The following CASR variants were observed in gnomAD, a reference collection of about 807,000 sequenced individuals.
The protein encoded by CASR is extracellular calcium-sensing receptor.
CASR carries 23 observed loss-of-function variants against 69.1 expected under a neutral mutation model. That is an observed-to-expected ratio of 0.33 (90% CI 0.24 to 0.47). The LOEUF (loss-of-function observed/expected upper bound fraction) is 0.47. Among genes scored for constraint, CASR ranks in the 20% least tolerant of loss-of-function variants. CASR has a pLI of 1.00. For missense variants in CASR, 924 were observed against 1,356.1 expected (o/e 0.68, Z 5.00); for synonymous variants, 541 against 544.7 (o/e 0.99, Z 0.10).
intron 1 of CASR, among the ~76,000 whole-genome samples, chr3:122,185,526 T>C (rs1363807992): frequency 6.6e-6 from 1 of 152,236 alleles, no homozygotes; most frequent in Non-Finnish European, 1.5e-5. Context: ...ACACTTATCT[T>C]TCCCCTTAAA....
Position 122,282,209 on chromosome 3 carries a change from C to T in CASR, c.1705C>T (p.Pro569Ser), listed in dbSNP as rs1271168512. 6.2e-7 allele frequency: 1 copy of T among 1,614,106 alleles called. No homozygotes were observed. The highest frequency in any genetic ancestry group is 8.5e-7 in the Non-Finnish European group (1 of 1,180,000). The change falls in exon 6 of 7, where the codon CCT becomes TCT. Residue 569 changes from proline (P) to serine (S), a missense_variant. By Grantham distance (74) the Pro-to-Ser change is moderately conservative. Coordinates refer to ENST00000639785, the MANE Select transcript of CASR (RefSeq NM_000388.4). ...PTCCFECVEC[P>S]DGEYSDETDA... ...CTGCTGCTTTGAGTGTGTGGAGTGT[C>T]CTGATGGGGAGTATAGTGATGAGAC...
chr3:122,224,500 T>C (rs1340569650), intron 1 of CASR, among the ~76,000 whole-genome samples: 2 of 152,064 alleles, frequency 1.3e-5, no homozygotes, highest in Non-Finnish European at 2.9e-5. Flanking sequence ...GTAAAAGTTC[T>C]CAACAACAAA....
chr3:122,252,464 A>AAAAG (rs1318944750), intron 1 of CASR, among the ~76,000 whole-genome samples: 1 of 126,364 alleles, frequency 7.9e-6, no homozygotes, highest in Non-Finnish European at 1.7e-5. Context: ...GAAAAGAAAG[A>AAAAG]AAAGAAAAGA....
intron 1 of CASR, among the ~76,000 whole-genome samples, chr3:122,194,214 T>G (rs2073865835): frequency 6.6e-6 from 1 of 152,154 alleles, no homozygotes; most frequent in Non-Finnish European, 1.5e-5. Context: ...TAACATGAAG[T>G]GTCCCCAAAT....
intron 1 of CASR, among the ~76,000 whole-genome samples, chr3:122,205,887 A>G (rs1228876315): frequency 2.6e-5 from 4 of 152,042 alleles, no homozygotes; most frequent in Non-Finnish European, 5.9e-5. Flanking sequence ...GGTGGTGTAT[A>G]TAAATGTTAC....
chr3:122,282,407 G>T (rs745306131), intron 6 of CASR, among the ~76,000 whole-genome samples, 171 bp downstream of exon 6: 2 of 152,202 alleles, frequency 1.3e-5, no homozygotes, highest in Non-Finnish European at 2.9e-5. Context: ...AACAGAAAAA[G>T]AATGTTAGAT....
At chr3:122,260,910 G>A (rs949172425) in intron 3 of CASR, among the ~76,000 whole-genome samples, 23 of 152,246 alleles carry the variant, frequency 1.5e-4, no homozygotes, top group African/African-American at 2.2e-4. Flanking sequence ...ACTGGGGTGC[G>A]GGGAGGAGAG....
chr3:122,262,430 A>T lies in CASR; in HGVS notation c.1377+18A>T. ...CGTGGCAGGTGCGTCCTTCACTTATATAGCAATTTGCTGTATAATAAAGCA... is the reference window on the plus strand; with the variant it reads ...CGTGGCAGGTGCGTCCTTCACTTATTTAGCAATTTGCTGTATAATAAAGCA... On this transcript the variant is annotated intron_variant, in intron 4 of 6. Coordinates refer to ENST00000639785, the MANE Select transcript of CASR (RefSeq NM_000388.4). 1 of 1,606,718 alleles carries T rather than the reference A, an allele frequency of 6.2e-7. No homozygotes were observed. The highest frequency in any genetic ancestry group is 8.5e-7 in the Non-Finnish European group (1 of 1,179,050).
intron 4 of CASR, among the ~76,000 whole-genome samples, chr3:122,271,676 T>C (rs2074759190): frequency 1.3e-5 from 2 of 152,230 alleles, no homozygotes; most frequent in Admixed American, 1.3e-4. Flanking sequence ...CATTCACAGT[T>C]ATGCAACCAT....
chr3:122,213,844 CCTGA>C (rs1450611629), intron 1 of CASR, among the ~76,000 whole-genome samples: 1 of 152,206 alleles, frequency 6.6e-6, no homozygotes, highest in Non-Finnish European at 1.5e-5. Context: ...CATACTGGCT[CCTGA>C]CTATTGCAGC....
chr3:122,255,888 A>T (rs1338451699), intron 2 of CASR, among the ~76,000 whole-genome samples: 2 of 93,338 alleles, frequency 2.1e-5, no homozygotes, highest in African/African-American at 7.4e-5. Context: ...GAGTTCAAGT[A>T]GTGAAACCCA....
At chr3:122,196,916 G>A (rs1238830681) in intron 1 of CASR, among the ~76,000 whole-genome samples, 1 of 152,180 alleles carries the variant, frequency 6.6e-6, no homozygotes, top group Admixed American at 6.5e-5. Flanking sequence ...AATCAAGCTA[G>A]TTAACATATC....
At chr3:122,195,540 A>G (rs991576733) in intron 1 of CASR, among the ~76,000 whole-genome samples, 6 of 152,182 alleles carry the variant, frequency 3.9e-5, no homozygotes, top group Non-Finnish European at 7.3e-5. Context: ...GTGGAACACT[A>G]GGGGAAAAAA....
chr3:122,284,618 G>C lies in CASR; in HGVS notation c.2664G>C (p.Thr888=), dbSNP rs751165754. 1 of 1,614,056 alleles carries C rather than the reference G, an allele frequency of 6.2e-7. No homozygotes were observed. The change falls in exon 7 of 7, where the codon ACG becomes ACC. Residue 888 remains threonine, a synonymous_variant. Coordinates refer to ENST00000639785, the MANE Select transcript of CASR (RefSeq NM_000388.4). ...CTTTCAAGGTGGCTGCCCGGGCCAC[G>C]CTGCGCCGCAGCAACGTCTCCCGCA... ...AHAFKVAARA[T]LRRSNVSRKR... is the part of the protein sequence containing the mutation.
At chr3:122,272,044 A>C (rs1031094271) in intron 4 of CASR, among the ~76,000 whole-genome samples, 1 of 151,782 alleles carries the variant, frequency 6.6e-6, no homozygotes, top group African/African-American at 2.4e-5. Context: ...ATGAACATTT[A>C]TGTACAAATG....
At chr3:122,191,282 A>C (rs1032105427) in intron 1 of CASR, among the ~76,000 whole-genome samples, 7 of 152,292 alleles carry the variant, frequency 4.6e-5, no homozygotes, top group Middle Eastern at 3.4e-3. Flanking sequence ...TTACATAAAC[A>C]TTTAAAATAC....
At chr3:122,205,000 T>C (rs751318940) in intron 1 of CASR, among the ~76,000 whole-genome samples, 1 of 152,086 alleles carries the variant, frequency 6.6e-6, no homozygotes, top group Non-Finnish European at 1.5e-5. Flanking sequence ...GGGCAGTTTG[T>C]ATGTATTTTC....
chr3:122,281,977 C>A lies in CASR; in HGVS notation c.1609-136C>A, dbSNP rs1016775351. On this transcript the variant is annotated intron_variant, in intron 5 of 6. Coordinates refer to ENST00000639785, the MANE Select transcript of CASR (RefSeq NM_000388.4). ...CCAAGGACCTCTGGACCTCCCTTTGCCTGGAATGGGCCCAACGTCTGTCAC... is the reference window on the plus strand; with the variant it reads ...CCAAGGACCTCTGGACCTCCCTTTGACTGGAATGGGCCCAACGTCTGTCAC... 1.1e-5 allele frequency: 14 copies of A among 1,259,664 alleles called. No individual in the cohort carries two copies. In the African/African-American group the frequency reaches 1.9e-4, roughly 17 times the overall value. The allele number at this position is 1,259,664 out of a possible 1,614,324, so 78.0% of individuals were successfully genotyped here. A position where few individuals can be genotyped will look rare whatever the true frequency, so the allele number is the denominator to read the frequency against.
At chr3:122,224,864 A>G (rs2074207720) in intron 1 of CASR, among the ~76,000 whole-genome samples, 1 of 152,174 alleles carries the variant, frequency 6.6e-6, no homozygotes, top group Non-Finnish European at 1.5e-5. Context: ...ATGGAACAGG[A>G]TAGAGAACCT....
Sources: allele counts gnomAD v4.1 joint callset (sites outside exome capture counted in the v4.1 genomes callset), GRCh38; gene constraint gnomAD v4.1.1; transcripts MANE v1.5; gene names NCBI Gene and HGNC (gene_info 2026-07-23, HGNC 2026-07-21).